RSPH14: variants seen among roughly 807,000 people sequenced by gnomAD.
The protein encoded by RSPH14 is rhabdoid tumor deletion region gene 1.
Under a neutral mutation model 26.7 loss-of-function variants are expected in RSPH14, and 20 were observed. The observed-to-expected ratio is 0.75, with a 90% confidence interval of 0.53 to 1.09. The LOEUF (loss-of-function observed/expected upper bound fraction) is 1.09. Ranked by LOEUF, RSPH14 falls within the 50% of genes least tolerant of loss-of-function variation. RSPH14 has a pLI of 0.00. For missense variants in RSPH14, 449 were observed against 457.2 expected, an observed-to-expected ratio of 0.98 and a Z score of 0.16; for synonymous variants, 177 against 189.3, an observed-to-expected ratio of 0.93 and a Z score of 0.53.
At chr22:23,159,398 T>C in the RSPH14 span, 1 of 802,804 alleles carries the variant, frequency 1.2e-6, no homozygotes. Context: ...ACAGCCCTGC[T>C]GTGCTGGTGC....
chr22:23,134,811 C>G (rs2070435477), intron 3 of RSPH14, among the ~76,000 whole-genome samples: 2 of 152,086 alleles, frequency 1.3e-5, no homozygotes, highest in South Asian at 2.1e-4. Flanking sequence ...GTTGCAGTGA[C>G]CTGCAACTGC....
chr22:23,151,665 C>T, the RSPH14 span, among the ~76,000 whole-genome samples: 2 of 152,152 alleles, frequency 1.3e-5, no homozygotes, highest in Admixed American at 6.5e-5. Context: ...GAGGATCACT[C>T]GAGCCAAGGA....
intron 4 of RSPH14, among the ~76,000 whole-genome samples, chr22:23,107,530 G>A (rs930953392): frequency 1.1e-4 from 17 of 152,308 alleles, no homozygotes; most frequent in African/African-American, 4.1e-4. Context: ...CCACTCGAGA[G>A]TCTCCACTTC....
At chr22:23,124,180 C>A (rs1014324456) in intron 4 of RSPH14, 12 of 217,754 alleles carry the variant, frequency 5.5e-5, no homozygotes, top group Admixed American at 1.2e-4. Flanking sequence ...CCTGGTTTTC[C>A]TTCTCTGACA....
intron 4 of RSPH14, chr22:23,131,350 T>C (rs186331031): frequency 2.2e-5 from 5 of 225,722 alleles, no homozygotes; most frequent in Non-Finnish European, 3.6e-5. Flanking sequence ...GATATGCATT[T>C]TGGGGACATA....
intron 4 of RSPH14, among the ~76,000 whole-genome samples, chr22:23,073,680 T>C (rs1008681583): frequency 7.9e-5 from 12 of 152,166 alleles, no homozygotes; most frequent in African/African-American, 2.4e-4. Context: ...CTAGAGCACA[T>C]AGGAGGAGAC....
Position 23,101,423 on chromosome 22 carries a change from A to G in RSPH14, c.421+32603T>C, listed in dbSNP as rs1408877448. 2.0e-5 allele frequency among the ~76,000 whole-genome samples: 3 copies of G among 152,278 alleles called. No individual in the cohort carries two copies. In the East Asian group the frequency reaches 5.8e-4, roughly 29 times the overall value. ...GCTGCTGTGTAGCCAGCCTTCCCTC[A>G]GGAGAGTGGAGGACAGTGACACCTG... On this transcript the variant is annotated intron_variant, in intron 4 of 6. Transcript: ENST00000216036.
chr22:23,180,044 T>C, the RSPH14 span: 1 of 363,784 alleles, frequency 2.7e-6, no homozygotes. Context: ...CACTGCGGCG[T>C]GGTAGGGGCA....
the RSPH14 span, among the ~76,000 whole-genome samples, chr22:23,168,434 C>T: frequency 6.6e-6 from 1 of 152,176 alleles, no homozygotes; most frequent in Non-Finnish European, 1.5e-5. Flanking sequence ...GAGAGGGACC[C>T]CTCCTCTCCT....
chr22:23,073,819 G>C (rs5751574), intron 4 of RSPH14, among the ~76,000 whole-genome samples: 4 of 151,972 alleles, frequency 2.6e-5, no homozygotes, highest in East Asian at 1.9e-4. Context: ...CAGCAGGGAC[G>C]TAGCATCCAC....
At chr22:23,074,017 T>G (rs1050796745) in intron 4 of RSPH14, among the ~76,000 whole-genome samples, 2 of 151,934 alleles carry the variant, frequency 1.3e-5, no homozygotes, top group African/African-American at 4.8e-5. Context: ...GCAAAGGCGC[T>G]GAGCAGACAC....
chr22:23,091,280 T>G (rs2068965163), intron 4 of RSPH14, among the ~76,000 whole-genome samples: 1 of 152,072 alleles, frequency 6.6e-6, no homozygotes, highest in African/African-American at 2.4e-5. Flanking sequence ...GCACCTGCAC[T>G]CTCACAGACA....
At chr22:23,094,795 G>T (rs894410817) in intron 4 of RSPH14, among the ~76,000 whole-genome samples, 5 of 152,224 alleles carry the variant, frequency 3.3e-5, no homozygotes, top group South Asian at 2.1e-4. Context: ...CTCCTGCGGG[G>T]GTAATGAGAG....
intron 3 of RSPH14, among the ~76,000 whole-genome samples, 194 bp downstream of exon 3, chr22:23,138,646 G>C (rs542958815): frequency 9.2e-5 from 14 of 151,852 alleles, no homozygotes; most frequent in Admixed American, 2.0e-4. Flanking sequence ...GTCTGGAACA[G>C]AGGGCCCCAT....
intron 4 of RSPH14, among the ~76,000 whole-genome samples, chr22:23,130,084 G>GAAGGAAGA (rs2061174495): frequency 3.9e-5 from 2 of 51,756 alleles, no homozygotes; most frequent in Non-Finnish European, 3.9e-5. Flanking sequence ...AGAAAGAAAG[G>GAAGGAAGA]AAGAAAGAAA....
upstream of RSPH14, chr22:23,142,049 G>C (rs1179239979): frequency 4.1e-6 from 4 of 985,350 alleles, no homozygotes; most frequent in Admixed American, 6.1e-5. Context: ...CAGCGTCCGC[G>C]GCGCCGCGGT....
the RSPH14 span, among the ~76,000 whole-genome samples, chr22:23,178,932 G>A: frequency 6.6e-6 from 1 of 152,150 alleles, no homozygotes; most frequent in Non-Finnish European, 1.5e-5. Context: ...AAAGAGCAGG[G>A]AGTCTGATGA....
At chr22:23,178,078 G>C in the RSPH14 span, among the ~76,000 whole-genome samples, 1 of 152,130 alleles carries the variant, frequency 6.6e-6, no homozygotes, top group Non-Finnish European at 1.5e-5. Flanking sequence ...CAGGATTACA[G>C]GCATGGGCCA....
At chr22:23,144,092 C>CAAAA (rs35499128), upstream of RSPH14, among the ~76,000 whole-genome samples, 6 of 24,178 alleles carry the variant, frequency 2.5e-4, no homozygotes, top group Non-Finnish European at 3.7e-4. Context: ...GACTCCATCT[C>CAAAA]AAAAAAAAAA....
Sources: allele counts gnomAD v4.1 joint callset (sites outside exome capture counted in the v4.1 genomes callset), GRCh38; gene constraint gnomAD v4.1.1; transcripts MANE v1.5; gene names NCBI Gene and HGNC (gene_info 2026-07-23, HGNC 2026-07-21).